Variants in WWOX observed in about 807,000 individuals in gnomAD.
The protein encoded by WWOX is WW domain containing oxidoreductase.
Under a neutral mutation model 46.2 loss-of-function variants are expected in WWOX, and 69 were observed. The ratio of observed to expected loss-of-function variants is 1.49; its 90% confidence interval spans 1.23 to 1.82. The LOEUF (loss-of-function observed/expected upper bound fraction) is 1.82. Among genes scored for constraint, WWOX ranks in the 40% most tolerant of loss-of-function variants. The pLI, the probability that WWOX is intolerant of heterozygous loss-of-function variation, is 0.00. For synonymous variants in WWOX, 359 were observed against 202.6 expected (o/e 1.77, Z -6.56); for missense variants, 919 against 542.6 (o/e 1.69, Z -6.89).
At chr16:78,460,210 C>T (rs2151422247) in intron 8 of WWOX, among the ~76,000 whole-genome samples, 1 of 152,234 alleles carries the variant, frequency 6.6e-6, no homozygotes, top group Admixed American at 6.5e-5. Context: ...TCACTGCAAC[C>T]TGTGCCTCCC....
chr16:78,143,182 T>A (rs533863566), intron 4 of WWOX, among the ~76,000 whole-genome samples: 1 of 152,356 alleles, frequency 6.6e-6, no homozygotes, highest in East Asian at 1.9e-4. Context: ...ATTTGTTTTA[T>A]ATTTGTTTTA....
At chr16:78,247,931 C>T (rs2037862887) in intron 5 of WWOX, among the ~76,000 whole-genome samples, 1 of 152,190 alleles carries the variant, frequency 6.6e-6, no homozygotes, top group Admixed American at 6.5e-5. Flanking sequence ...GATTGAAGCA[C>T]ATATCTTGCA....
intron 8 of WWOX, among the ~76,000 whole-genome samples, chr16:78,961,797 G>C (rs1273527279): frequency 1.3e-5 from 2 of 152,146 alleles, no homozygotes; most frequent in African/African-American, 4.8e-5. Context: ...TATCATAGTA[G>C]TCTTGCTGTC....
At chr16:79,144,594 T>C (rs1394244465) in intron 8 of WWOX, among the ~76,000 whole-genome samples, 1 of 152,164 alleles carries the variant, frequency 6.6e-6, no homozygotes, top group African/African-American at 2.4e-5. Context: ...TTAAAAAAAA[T>C]ATCGAGTGGA....
chr16:78,914,065 GA>G (rs1262385729), intron 8 of WWOX, among the ~76,000 whole-genome samples: 5 of 152,062 alleles, frequency 3.3e-5, no homozygotes, highest in Non-Finnish European at 5.9e-5. Context: ...ACTGCATTTG[GA>G]AATGGAGTAT....
chr16:78,106,048 C>T (rs536945367), intron 1 of WWOX, among the ~76,000 whole-genome samples: 15 of 152,260 alleles, frequency 9.9e-5, no homozygotes, highest in East Asian at 3.9e-4. Context: ...GCGATCCTCC[C>T]GCCTCGGCCT....
rs117491680 is a variant in WWOX, at chr16:79,121,075, G to A, written c.1057-90533G>A. Among the ~76,000 whole-genome samples the A allele has an allele frequency of 8.0e-3, 1,220 of 152,208 alleles. 7 individuals are homozygous for A. Among genetic ancestry groups the A allele is most frequent in the Non-Finnish European group, 0.014 (968 of 68,014 alleles). On this transcript the variant is annotated intron_variant, in intron 8 of 8. Coordinates refer to ENST00000566780, the MANE Select transcript of WWOX (RefSeq NM_016373.4). ...TGAGTCACCATGCCTGGCTATCTGC[G>A]TTTCTTCTGTAAGGATACTTGTCTT... is the stretch of plus-strand genomic sequence containing the variant.
chr16:78,726,357 C>A (rs1188851087), intron 8 of WWOX, among the ~76,000 whole-genome samples: 1 of 151,934 alleles, frequency 6.6e-6, no homozygotes, highest in East Asian at 1.9e-4. Flanking sequence ...TCCCGGGTAG[C>A]TGGGACCACA....
chr16:78,715,956 A>T (rs1205071397), intron 8 of WWOX, among the ~76,000 whole-genome samples: 1 of 152,098 alleles, frequency 6.6e-6, no homozygotes, highest in African/African-American at 2.4e-5. Context: ...CCTCTAACCT[A>T]AATGTCCACC....
chr16:79,012,131 G>C (rs923585446), intron 8 of WWOX, among the ~76,000 whole-genome samples: 1 of 152,180 alleles, frequency 6.6e-6, no homozygotes, highest in Non-Finnish European at 1.5e-5. Flanking sequence ...CTGTCCAATA[G>C]AACTTTCTGC....
intron 8 of WWOX, among the ~76,000 whole-genome samples, chr16:78,688,122 A>C (rs887274298): frequency 2.6e-5 from 4 of 152,106 alleles, no homozygotes; most frequent in African/African-American, 9.7e-5. Context: ...ATATATCTTA[A>C]AGTTTTCTGC....
intron 8 of WWOX, among the ~76,000 whole-genome samples, chr16:78,758,544 A>G (rs1211165232): frequency 6.6e-6 from 1 of 152,226 alleles, no homozygotes; most frequent in Non-Finnish European, 1.5e-5. Flanking sequence ...GCCACTATCT[A>G]TACTTTTCAA....
chr16:78,513,889 C>T (rs2085423586), intron 8 of WWOX, among the ~76,000 whole-genome samples: 2 of 139,722 alleles, frequency 1.4e-5, no homozygotes, highest in South Asian at 2.4e-4. Context: ...TATTACAGTT[C>T]CCACTCCCCC....
chr16:78,839,256 C>T (rs1367579546), intron 8 of WWOX, among the ~76,000 whole-genome samples: 1 of 152,184 alleles, frequency 6.6e-6, no homozygotes, highest in Admixed American at 6.5e-5. Flanking sequence ...TATATTTTCT[C>T]TTCCTCCCTT....
At chr16:78,268,992 T>C (rs1352662264) in intron 5 of WWOX, 1 of 152,172 alleles carries the variant, frequency 6.6e-6, no homozygotes, top group African/African-American at 2.4e-5. Context: ...TGTACACATA[T>C]ATAAGATTTT....
At chr16:79,037,270 C>T (rs1363019890) in intron 8 of WWOX, among the ~76,000 whole-genome samples, 1 of 152,154 alleles carries the variant, frequency 6.6e-6, no homozygotes, top group African/African-American at 2.4e-5. Context: ...CTGGGGGATG[C>T]TTCTTTTCCT....
intron 8 of WWOX, among the ~76,000 whole-genome samples, chr16:78,499,964 C>T (rs2085020740): frequency 1.3e-5 from 2 of 152,154 alleles, no homozygotes; most frequent in Non-Finnish European, 2.9e-5. Flanking sequence ...TGAGGCCTCA[C>T]TGAGACTCAT....
intron 7 of WWOX, among the ~76,000 whole-genome samples, chr16:78,426,631 T>G (rs2083084873): frequency 6.6e-6 from 1 of 152,176 alleles, no homozygotes; most frequent in African/African-American, 2.4e-5. Context: ...GGTTTTATGC[T>G]TTCCAATTAT....
At chr16:78,329,193 G>A (rs1207468353) in intron 5 of WWOX, among the ~76,000 whole-genome samples, 1 of 152,144 alleles carries the variant, frequency 6.6e-6, no homozygotes, top group Non-Finnish European at 1.5e-5. Context: ...ATAAGAAACA[G>A]TTAAAGTGAA....
Sources: gnomAD v4.1 joint callset for allele counts (sites outside exome capture counted in the v4.1 genomes callset) on GRCh38, gnomAD v4.1.1 for gene constraint, MANE v1.5 for transcripts, NCBI Gene and HGNC (gene_info 2026-07-23, HGNC 2026-07-21) for gene names.